The following EXD3 variants were observed in gnomAD, a reference collection of about 807,000 sequenced individuals.
EXD3 encodes exonuclease 3'-5' domain containing 3, also known as exonuclease mut-7 homolog.
EXD3 carries 92 observed loss-of-function variants against 98.0 expected under a neutral mutation model. The ratio of observed to expected loss-of-function variants is 0.94; its 90% CI spans 0.79 to 1.12. The LOEUF (loss-of-function observed/expected upper bound fraction) is 1.12. Ranked by LOEUF, EXD3 falls within the 50% of genes most tolerant of loss-of-function variation. The pLI is 0.00. For synonymous variants in EXD3, 569 were observed against 526.0 expected (o/e 1.08, Z -1.12); for missense variants, 1,222 against 1,191.6 (o/e 1.03, Z -0.38).
Position 137,407,142 on chromosome 9 carries a change from C to T in EXD3, c.-47-11738G>A, listed in dbSNP as rs985465825. On this transcript the variant is annotated intron_variant, in intron 1 of 21. Transcript: ENST00000340951. The surrounding 1 kb of genome is among the most constrained non-coding windows in gnomAD (Gnocchi z 4.4). ...CGGGCACCCCACGCCGACCGCCGCG[C>T]GTCCGGGCCGGTCTCTGGGCCCCTC... 1.1e-4 allele frequency among the ~76,000 whole-genome samples: 17 copies of T among 152,178 alleles called. No individual in the cohort carries two copies. Among genetic ancestry groups the T allele is most frequent in the Non-Finnish European group, 1.8e-4 (12 of 68,022 alleles).
At chr9:137,351,633 A>G in intron 12 of EXD3, 105 bp from the exon 13 acceptor site, 1 of 1,038,266 alleles carries the variant, frequency 9.6e-7, no homozygotes, top group South Asian at 1.5e-5. Flanking sequence ...CTTCGGGGAG[A>G]CGCCCCTGCA....
At chr9:137,368,044 C>G in intron 5 of EXD3, 55 bp from the exon 6 acceptor site, 2 of 1,482,142 alleles carry the variant, frequency 1.3e-6, no homozygotes, top group African/African-American at 2.8e-5. Context: ...CCAGGCAGCA[C>G]GGCGGGTGAG....
At chr9:137,396,993 C>A (rs975446323) in intron 1 of EXD3, among the ~76,000 whole-genome samples, 1 of 152,356 alleles carries the variant, frequency 6.6e-6, no homozygotes, top group South Asian at 2.1e-4. Context: ...CTGGGGGACA[C>A]ACACCTGCAG....
intron 1 of EXD3, among the ~76,000 whole-genome samples, chr9:137,413,911 T>G (rs1403790310): frequency 6.6e-6 from 1 of 151,328 alleles, no homozygotes; most frequent in Non-Finnish European, 1.5e-5. Flanking sequence ...TTCTGTTGTT[T>G]TTTTTTTCTT....
At chr9:137,325,384 G>A (rs865901727) in intron 17 of EXD3, among the ~76,000 whole-genome samples, 6 of 152,138 alleles carry the variant, frequency 3.9e-5, no homozygotes, top group Non-Finnish European at 8.8e-5. Context: ...TGCGGAGGAG[G>A]ACACGGGACA....
At chr9:137,334,348 G>A (rs922360222) in intron 17 of EXD3, among the ~76,000 whole-genome samples, 2 of 152,194 alleles carry the variant, frequency 1.3e-5, no homozygotes, top group African/African-American at 4.8e-5. Flanking sequence ...ATACAGTATA[G>A]TTACCAAAAC....
At position 137,347,271 on chromosome 9, in the gene EXD3, G is replaced by T. The variant is rs761814737; in HGVS notation, c.1998+800C>A. On this transcript the variant is annotated intron_variant, in intron 17 of 21. Transcript: ENST00000340951. This position sits in a 1 kb window ranked among gnomAD's most constrained non-coding sequence, Gnocchi z 4.2. ...TCGCGACGGCAGGCTCCTCTTAGGA[G>T]ACTCCGGGGAAGAACCTGCTTCTGG... 1.4e-4 allele frequency among the ~76,000 whole-genome samples: 21 copies of T among 152,220 alleles called. No individual in the cohort carries two copies. Among genetic ancestry groups the T allele is most frequent in the Non-Finnish European group, 2.9e-4 (20 of 68,042 alleles).
At chr9:137,307,671 TC>T (rs755128798) in intron 20 of EXD3, 25 bp from the exon 21 acceptor site, 4 of 1,607,022 alleles carry the variant, frequency 2.5e-6, no homozygotes, top group Non-Finnish European at 2.5e-6. Flanking sequence ...AGAGAGCTGG[TC>T]CGGGACTGTC....
At chr9:137,321,511 T>C (rs1832031529) in intron 19 of EXD3, among the ~76,000 whole-genome samples, 1 of 152,166 alleles carries the variant, frequency 6.6e-6, no homozygotes, top group Non-Finnish European at 1.5e-5. Flanking sequence ...GGTGAAACCC[T>C]GTCTCTACTA....
At chr9:137,348,321 T>C (rs117446810) in intron 16 of EXD3, 83 bp from the exon 17 acceptor site, 46,261 of 1,388,270 alleles carry the variant, frequency 0.033, 924 homozygotes, top group Non-Finnish European at 0.039. Flanking sequence ...TGAGGCTGTG[T>C]GGCCAGCACT....
chr9:137,338,730 CAAAAAA>C (rs773079416), intron 17 of EXD3, among the ~76,000 whole-genome samples: 1 of 80,522 alleles, frequency 1.2e-5, no homozygotes, highest in African/African-American at 4.3e-5. Context: ...ACTAAAAATA[CAAAAAA>C]AAAAAAAAAA....
At chr9:137,410,865 C>CG (rs1837964185) in intron 1 of EXD3, among the ~76,000 whole-genome samples, 1 of 151,802 alleles carries the variant, frequency 6.6e-6, no homozygotes, top group Non-Finnish European at 1.5e-5. Flanking sequence ...AGGTCCAAGG[C>CG]TCTGCAGGTG....
At chr9:137,366,314 A>T in intron 7 of EXD3, 179 bp downstream of exon 7, 1 of 869,816 alleles carries the variant, frequency 1.1e-6, no homozygotes. Context: ...TGCCAGCCCC[A>T]GCCGCTCCTC....
At position 137,393,930 on chromosome 9, in the gene EXD3, G is replaced by A. The variant is rs1723975085; in HGVS notation, c.55+1373C>T. On this transcript the variant is annotated intron_variant, in intron 2 of 21. Transcript: ENST00000340951. This position sits in a 1 kb window ranked among gnomAD's most constrained non-coding sequence, Gnocchi z 4.6. ...TGTTTACAAGGACTGCAGGGTGAAG[G>A]ATGTGAAGGGGCCCCGGCACCCCCT... 6.6e-6 allele frequency among the ~76,000 whole-genome samples: 1 copy of A among 152,172 alleles called. No homozygotes were observed.
At chr9:137,356,150 G>A (rs1290928962) in intron 8 of EXD3, 118 bp downstream of exon 8, 13 of 721,314 alleles carry the variant, frequency 1.8e-5, no homozygotes, top group Non-Finnish European at 2.8e-5. Context: ...GGCTCTCTGG[G>A]AAGGTTGGTC....
chr9:137,333,234 G>T (rs770092222), intron 17 of EXD3, among the ~76,000 whole-genome samples: 1 of 152,080 alleles, frequency 6.6e-6, no homozygotes. Flanking sequence ...GGCCTTTGGC[G>T]GCAGACTGAA....
chr9:137,320,869 C>T (rs557642573), intron 19 of EXD3, among the ~76,000 whole-genome samples: 1 of 152,330 alleles, frequency 6.6e-6, no homozygotes, highest in Non-Finnish European at 1.5e-5. Context: ...CATGCCTCCC[C>T]AGGCGTCCCG....
At chr9:137,369,263 G>A (rs547209750) in intron 5 of EXD3, among the ~76,000 whole-genome samples, 196 of 152,158 alleles carry the variant, frequency 1.3e-3, no homozygotes, top group African/African-American at 4.6e-3. Context: ...ATGGGCGCAG[G>A]GGCCACCACA....
chr9:137,385,747 TGG>T lies in EXD3; in HGVS notation c.56-2372_56-2371del. Among the ~76,000 whole-genome samples, 1 of 152,058 alleles carries T rather than the reference TGG, an allele frequency of 6.6e-6. No individual in the cohort carries two copies. Among genetic ancestry groups the T allele is most frequent in the Non-Finnish European group, 1.5e-5 (1 of 68,024 alleles). On this transcript the variant is annotated intron_variant, in intron 2 of 21. Transcript: ENST00000340951. This position sits in a 1 kb window ranked among gnomAD's most constrained non-coding sequence, Gnocchi z 4.4. The stretch of plus-strand genomic sequence containing the variant: ...CGGGTTTTCACCATGTTGGCCAGGC[TGG>T]TCTTGAACTCCTGAGCTCAATTGGT...
Sources: allele counts gnomAD v4.1 joint callset (sites outside exome capture counted in the v4.1 genomes callset), GRCh38; gene constraint gnomAD v4.1.1; non-coding constraint Gnocchi (gnomAD v3.1); transcripts MANE v1.5; gene names NCBI Gene and HGNC (gene_info 2026-07-23, HGNC 2026-07-21).